ROBO1: variants seen among roughly 807,000 people sequenced by gnomAD.
The protein encoded by ROBO1 is roundabout guidance receptor 1, also known as roundabout homolog 1.
A neutral mutation model predicts 195.9 loss-of-function variants in ROBO1; 149 were observed. That is an observed-to-expected ratio of 0.76 (90% CI 0.67 to 0.87). The LOEUF (loss-of-function observed/expected upper bound fraction) is 0.87, where lower values mean the gene tolerates loss of function less well. Among genes scored for constraint, ROBO1 ranks in the 40% least tolerant of loss-of-function variants. The pLI is 0.00. For missense variants in ROBO1, 1,933 were observed against 2,068.3 expected, an observed-to-expected ratio of 0.93 and a Z score of 1.27; for synonymous variants, 816 against 733.2, an observed-to-expected ratio of 1.11 and a Z score of -1.82.
At chr3:78,927,985 G>A (rs2039310159) in intron 4 of ROBO1, among the ~76,000 whole-genome samples, 1 of 152,094 alleles carries the variant, frequency 6.6e-6, no homozygotes, top group Non-Finnish European at 1.5e-5. Flanking sequence ...CACACATACT[G>A]CCTGCTGTCA....
intron 2 of ROBO1, among the ~76,000 whole-genome samples, chr3:79,458,360 C>T (rs1048326549): frequency 1.3e-5 from 2 of 152,094 alleles, no homozygotes; most frequent in African/African-American, 4.8e-5. Flanking sequence ...GATACCAAGA[C>T]AATTGTTTTC....
chr3:79,190,307 C>G (rs1355426374), intron 2 of ROBO1, among the ~76,000 whole-genome samples: 3 of 151,452 alleles, frequency 2.0e-5, no homozygotes, highest in African/African-American at 4.8e-5. Context: ...TTCTATAAAT[C>G]CATGTGTGTT....
At chr3:79,531,683 G>A (rs988131000) in intron 2 of ROBO1, among the ~76,000 whole-genome samples, 5 of 152,122 alleles carry the variant, frequency 3.3e-5, no homozygotes, top group African/African-American at 9.7e-5. Context: ...TCTGTTTCAC[G>A]TTTTTCACAG....
intron 1 of ROBO1, among the ~76,000 whole-genome samples, chr3:79,607,602 GT>G (rs58634211): frequency 6.8e-6 from 1 of 147,624 alleles, no homozygotes; most frequent in Admixed American, 6.8e-5. Context: ...GTATTTCCAA[GT>G]TTTTTTTTTT....
chr3:79,000,629 T>C (rs998579315), intron 3 of ROBO1, among the ~76,000 whole-genome samples: 1 of 152,176 alleles, frequency 6.6e-6, no homozygotes, highest in African/African-American at 2.4e-5. Context: ...AAAGAACAGA[T>C]GCTGGAGAGA....
chr3:79,607,095 GCA>G (rs35692271), intron 1 of ROBO1, among the ~76,000 whole-genome samples: 6,013 of 140,002 alleles, frequency 0.043, 183 homozygotes, highest in East Asian at 0.11. Context: ...ATTAAAACCT[GCA>G]CACACACACA....
intron 2 of ROBO1, among the ~76,000 whole-genome samples, chr3:79,283,400 A>G (rs1219231061): frequency 6.6e-6 from 1 of 152,182 alleles, no homozygotes; most frequent in East Asian, 1.9e-4. Context: ...CAGAAATTCT[A>G]TTTCCTTCAA....
intron 8 of ROBO1, among the ~76,000 whole-genome samples, chr3:78,694,753 A>G (rs1278762567): frequency 2.0e-5 from 3 of 152,138 alleles, no homozygotes; most frequent in African/African-American, 7.2e-5. Flanking sequence ...AGGCACTACA[A>G]AAGAGAGGAC....
At chr3:79,564,348 A>G (rs1943022978) in intron 2 of ROBO1, among the ~76,000 whole-genome samples, 1 of 152,054 alleles carries the variant, frequency 6.6e-6, no homozygotes, top group Admixed American at 6.6e-5. Context: ...ACTGCACTGC[A>G]TGATACTGTA....
intron 23 of ROBO1, chr3:78,634,381 T>TA (rs200487470): frequency 0.014 from 2,881 of 200,028 alleles, 37 homozygotes; most frequent in Non-Finnish European, 0.025. Context: ...TATCTATGAT[T>TA]AAAAAAAACA....
intron 1 of ROBO1, among the ~76,000 whole-genome samples, chr3:79,608,622 T>A (rs1944561808): frequency 6.6e-6 from 1 of 152,028 alleles, no homozygotes; most frequent in Non-Finnish European, 1.5e-5. Flanking sequence ...GATGTTTTCC[T>A]ATAAAACTAA....
At chr3:79,051,853 A>G (rs929390526) in intron 3 of ROBO1, among the ~76,000 whole-genome samples, 8 of 152,102 alleles carry the variant, frequency 5.3e-5, no homozygotes, top group African/African-American at 1.9e-4. Flanking sequence ...CACTTCCCCA[A>G]TCAATACTCT....
chr3:79,348,842 G>A (rs1445199497), intron 2 of ROBO1, among the ~76,000 whole-genome samples: 1 of 152,124 alleles, frequency 6.6e-6, no homozygotes, highest in Non-Finnish European at 1.5e-5. Flanking sequence ...GAACATAGGA[G>A]GCTTAGAAGC....
chr3:78,619,144 G>A (rs1704299841), intron 26 of ROBO1, among the ~76,000 whole-genome samples: 1 of 152,160 alleles, frequency 6.6e-6, no homozygotes, highest in Non-Finnish European at 1.5e-5. Flanking sequence ...AGGTTAAAGA[G>A]ATGACATATG....
chr3:79,564,754 A>T (rs574287523), intron 2 of ROBO1, among the ~76,000 whole-genome samples: 1 of 152,198 alleles, frequency 6.6e-6, no homozygotes, highest in African/African-American at 2.4e-5. Context: ...GGCTTGGTAT[A>T]GTAATACTGA....
chr3:79,098,432 C>G (rs960039697), intron 3 of ROBO1, among the ~76,000 whole-genome samples: 1 of 151,724 alleles, frequency 6.6e-6, no homozygotes, highest in Non-Finnish European at 1.5e-5. Context: ...ATTAGGCATG[C>G]TGAAAAAAGA....
intron 20 of ROBO1, among the ~76,000 whole-genome samples, chr3:78,646,612 A>AG (rs1182039449): frequency 2.0e-5 from 3 of 150,326 alleles, no homozygotes; most frequent in Non-Finnish European, 4.4e-5. Context: ...ACTCAGGAAA[A>AG]AAAAAAACTA....
chr3:79,630,561 T>G (rs1945308177), intron 1 of ROBO1, among the ~76,000 whole-genome samples: 1 of 152,032 alleles, frequency 6.6e-6, no homozygotes, highest in African/African-American at 2.4e-5. Context: ...TTGAAACATT[T>G]TCCTTAATAA....
intron 1 of ROBO1, among the ~76,000 whole-genome samples, chr3:79,753,293 A>C (rs946205608): frequency 6.6e-6 from 1 of 151,674 alleles, no homozygotes; most frequent in Admixed American, 6.6e-5. Context: ...TGGGATTTAA[A>C]AAAAAAAAAA....
Sources: gnomAD v4.1 joint callset for allele counts (sites outside exome capture counted in the v4.1 genomes callset) on GRCh38, gnomAD v4.1.1 for gene constraint, MANE v1.5 for transcripts, NCBI Gene and HGNC (gene_info 2026-07-23, HGNC 2026-07-21) for gene names.